Variants in BCAS1 observed in about 807,000 individuals in gnomAD.
BCAS1 encodes brain enriched myelin associated protein 1.
In BCAS1, 46 loss-of-function variants were observed where a neutral mutation model predicts 65.4. The ratio of observed to expected loss-of-function variants is 0.70; its 90% CI spans 0.55 to 0.90. The LOEUF is 0.90. BCAS1 is among the 40% of genes least tolerant of loss of function. The pLI, the probability that BCAS1 is intolerant of heterozygous loss-of-function variation, is 0.00. For synonymous variants in BCAS1, 298 were observed against 293.5 expected (o/e 1.02, Z -0.16); for missense variants, 793 against 771.2 (o/e 1.03, Z -0.33).
chr20:54,068,139 C>T (rs1274280153), intron 1 of BCAS1, among the ~76,000 whole-genome samples: 1 of 152,172 alleles, frequency 6.6e-6, no homozygotes, highest in East Asian at 1.9e-4. Flanking sequence ...CTGCCCAAGC[C>T]CTGATTCCTG....
At chr20:53,946,594 T>C (rs1334225325) in intron 12 of BCAS1, among the ~76,000 whole-genome samples, 1 of 150,798 alleles carries the variant, frequency 6.6e-6, no homozygotes, top group Non-Finnish European at 1.5e-5. Flanking sequence ...ATAGATAGTA[T>C]AGTGTAGTAT....
chr20:54,027,398 T>C (rs547793684), intron 4 of BCAS1, among the ~76,000 whole-genome samples: 2 of 152,336 alleles, frequency 1.3e-5, no homozygotes, highest in African/African-American at 4.8e-5. Context: ...GCCTGGCACA[T>C]TGAACATTTT....
intron 4 of BCAS1, among the ~76,000 whole-genome samples, chr20:53,996,461 T>TAAAAAAAAAAAAAAA (rs143929524): frequency 3.3e-5 from 3 of 92,192 alleles, no homozygotes; most frequent in Non-Finnish European, 7.1e-5. Flanking sequence ...TTATATCAAC[T>TAAAAAAAAAAAAAAA]AAAAAAAAAA....
In BCAS1 at chr20:54,031,039, G is replaced by A. The variant is rs1209560002; in HGVS notation, c.143-2067C>T. Reference sequence around the variant, plus strand: ...AGAAGAGGGTATGGTTGACAAAAAGGGAAATGCTAAGATTCAAAACAGGGA... The same window carrying A: ...AGAAGAGGGTATGGTTGACAAAAAGAGAAATGCTAAGATTCAAAACAGGGA... On this transcript the variant is annotated intron_variant, in intron 3 of 12. Coordinates refer to ENST00000688948, the MANE Select transcript of BCAS1 (RefSeq NM_001366298.2). Among the ~76,000 whole-genome samples, 3 of 151,356 alleles carry A rather than the reference G, an allele frequency of 2.0e-5. No homozygotes were observed. In the East Asian group the frequency reaches 5.8e-4, roughly 29 times the overall value.
chr20:54,045,705 G>A (rs2092091367), intron 3 of BCAS1, among the ~76,000 whole-genome samples: 1 of 152,204 alleles, frequency 6.6e-6, no homozygotes, highest in South Asian at 2.1e-4. Flanking sequence ...CCAATGAGAT[G>A]ATCAAATAAG....
At chr20:54,043,336 AT>A (rs67851543) in intron 3 of BCAS1, among the ~76,000 whole-genome samples, 12 of 151,578 alleles carry the variant, frequency 7.9e-5, no homozygotes, top group Admixed American at 5.9e-4. Context: ...GATGACGATG[AT>A]TTTTTTTATA....
chr20:54,058,767 C>G, intron 1 of BCAS1, 44 bp from the exon 2 acceptor site: 1 of 1,600,962 alleles, frequency 6.2e-7, no homozygotes, highest in Non-Finnish European at 8.5e-7. Context: ...AAATCAAAAC[C>G]AAACGAAGCT....
chr20:53,986,435 C>T (rs568545701), intron 7 of BCAS1, among the ~76,000 whole-genome samples: 2 of 152,222 alleles, frequency 1.3e-5, no homozygotes, highest in Admixed American at 6.5e-5. Context: ...AATATTGGTA[C>T]TCATAATTTT....
chr20:53,972,887 G>A (rs922170971), intron 9 of BCAS1, among the ~76,000 whole-genome samples: 3 of 152,136 alleles, frequency 2.0e-5, no homozygotes, highest in African/African-American at 7.2e-5. Flanking sequence ...TGGGATCAAC[G>A]TCACAACCAT....
intron 7 of BCAS1, among the ~76,000 whole-genome samples, chr20:53,986,523 G>A (rs2090619487): frequency 6.6e-6 from 1 of 151,734 alleles, no homozygotes; most frequent in African/African-American, 2.4e-5. Flanking sequence ...GGATACTTAT[G>A]ACTCAATCCC....
intron 12 of BCAS1, among the ~76,000 whole-genome samples, chr20:53,948,816 C>T (rs557446412): frequency 1.3e-5 from 2 of 152,300 alleles, no homozygotes; most frequent in South Asian, 2.1e-4. Context: ...CATGCGGTAA[C>T]GGCCTGGCCA....
intron 9 of BCAS1, among the ~76,000 whole-genome samples, chr20:53,968,904 T>C (rs2090107698): frequency 6.6e-6 from 1 of 152,232 alleles, no homozygotes; most frequent in African/African-American, 2.4e-5. Flanking sequence ...CAATCTATCT[T>C]TAGGAAACGA....
chr20:54,060,817 C>G (rs747867568), intron 1 of BCAS1, among the ~76,000 whole-genome samples: 10 of 152,140 alleles, frequency 6.6e-5, no homozygotes, highest in Non-Finnish European at 1.2e-4. Context: ...AAGGCAGTGT[C>G]TACCTTCACC....
At chr20:54,029,209 C>T (rs1218815053) in intron 3 of BCAS1, 1 of 985,272 alleles carries the variant, frequency 1.0e-6, no homozygotes, top group Non-Finnish European at 1.2e-6. Context: ...AAGTCACTAG[C>T]TGCCAGGTGT....
At chr20:53,988,914 G>C (rs1436941340) in intron 7 of BCAS1, among the ~76,000 whole-genome samples, 1 of 152,150 alleles carries the variant, frequency 6.6e-6, no homozygotes, top group African/African-American at 2.4e-5. Context: ...ATACTACACT[G>C]TTTCCAATGA....
At chr20:54,016,824 G>A (rs1568880976) in intron 4 of BCAS1, among the ~76,000 whole-genome samples, 1 of 152,172 alleles carries the variant, frequency 6.6e-6, no homozygotes, top group Non-Finnish European at 1.5e-5. Context: ...CTCTTTTGGG[G>A]AAGAGAGAGG....
intron 3 of BCAS1, among the ~76,000 whole-genome samples, chr20:54,036,390 A>G (rs1378241879): frequency 6.6e-6 from 1 of 151,444 alleles, no homozygotes; most frequent in Admixed American, 6.6e-5. Flanking sequence ...TGATTTTCTT[A>G]GTGCAGAAAA....
chr20:54,011,858 A>G (rs1227228190), intron 4 of BCAS1, among the ~76,000 whole-genome samples: 2 of 152,194 alleles, frequency 1.3e-5, no homozygotes, highest in Admixed American at 1.3e-4. Flanking sequence ...TCCAATCTCA[A>G]AAACTTAAAA....
intron 4 of BCAS1, among the ~76,000 whole-genome samples, chr20:54,026,934 A>G (rs150575958): frequency 0.015 from 2,290 of 152,314 alleles, 35 homozygotes; most frequent in Middle Eastern, 0.058. Flanking sequence ...ACTGGACAGC[A>G]AACTCCACCA....
Sources: gnomAD v4.1 joint callset for allele counts (sites outside exome capture counted in the v4.1 genomes callset) on GRCh38, gnomAD v4.1.1 for gene constraint, MANE v1.5 for transcripts, NCBI Gene and HGNC (gene_info 2026-07-23, HGNC 2026-07-21) for gene names.